The following FBXO15 variants were observed in gnomAD, a reference collection of about 807,000 sequenced individuals.
FBXO15 encodes the protein F-box only protein 15.
A neutral mutation model predicts 49.5 loss-of-function variants in FBXO15; 30 were observed. That is an observed-to-expected ratio of 0.61 (90% CI 0.45 to 0.82). FBXO15 has a LOEUF of 0.82. Ranked by LOEUF, FBXO15 falls within the 40% of genes least tolerant of loss-of-function variation. FBXO15 has a pLI of 0.00. For missense variants in FBXO15, 591 were observed against 631.5 expected (o/e 0.94, Z 0.69); for synonymous variants, 250 against 232.7 (o/e 1.07, Z -0.68).
At chr18:74,089,201 T>C (rs1912901903) in intron 8 of FBXO15, among the ~76,000 whole-genome samples, 1 of 152,146 alleles carries the variant, frequency 6.6e-6, no homozygotes, top group Non-Finnish European at 1.5e-5. Flanking sequence ...TTTGTGGCAA[T>C]TGTGAATGTG....
At chr18:74,079,592 A>G (rs1048204454) in intron 9 of FBXO15, among the ~76,000 whole-genome samples, 1 of 145,542 alleles carries the variant, frequency 6.9e-6, no homozygotes, top group Admixed American at 6.9e-5. Flanking sequence ...AATTATCAGT[A>G]TCTTTTGAGT....
In FBXO15 at chr18:74,093,816, G is replaced by A. The variant is rs564511892; in HGVS notation, c.1139-11765C>T. ...TGACCTCCTCCCTTGAATCATGTGC[G>A]TTCTTAATGGCATCTAGAATAGTGA... On this transcript the variant is annotated intron_variant, in intron 8 of 9. Transcript: ENST00000419743. 6.6e-5 allele frequency among the ~76,000 whole-genome samples: 10 copies of A among 152,214 alleles called. 1 individual carries two copies. The highest frequency in any genetic ancestry group is 4.2e-4 in the South Asian group (2 of 4,816).
intron 8 of FBXO15, among the ~76,000 whole-genome samples, chr18:74,117,325 C>G (rs1197531651): frequency 1.3e-5 from 2 of 152,082 alleles, no homozygotes; most frequent in Non-Finnish European, 2.9e-5. Context: ...TTAACTTAAC[C>G]TCTTATGCGT....
intron 8 of FBXO15, among the ~76,000 whole-genome samples, chr18:74,107,446 T>C (rs1441733386): frequency 6.6e-6 from 1 of 152,194 alleles, no homozygotes; most frequent in Non-Finnish European, 1.5e-5. Flanking sequence ...CACCACTCCA[T>C]CCTAACAAGT....
chr18:74,099,675 C>T (rs894305443), intron 8 of FBXO15: 2 of 152,086 alleles, frequency 1.3e-5, no homozygotes, highest in Admixed American at 6.5e-5. Context: ...AGAAACTCAC[C>T]TAACACATAA....
intron 9 of FBXO15, 38 bp downstream of exon 9, chr18:74,081,889 C>A (rs1229649379): frequency 6.2e-6 from 9 of 1,457,580 alleles, no homozygotes; most frequent in Non-Finnish European, 6.5e-6. Context: ...ATATAGAAAT[C>A]AAGTTACTTG....
At chr18:74,115,497 C>T (rs62097021) in intron 8 of FBXO15, among the ~76,000 whole-genome samples, 1 of 152,014 alleles carries the variant, frequency 6.6e-6, no homozygotes, top group Middle Eastern at 3.2e-3. Flanking sequence ...AATATCGTGA[C>T]CAAGAGGTGG....
chr18:74,093,147 G>A (rs1355328644), intron 8 of FBXO15, among the ~76,000 whole-genome samples: 2 of 152,128 alleles, frequency 1.3e-5, no homozygotes, highest in African/African-American at 4.8e-5. Flanking sequence ...ACAGCAACAG[G>A]CGGGTGGTGG....
chr18:74,094,696 C>T (rs1009431295), intron 8 of FBXO15, among the ~76,000 whole-genome samples: 1 of 152,174 alleles, frequency 6.6e-6, no homozygotes, highest in African/African-American at 2.4e-5. Flanking sequence ...TAGCAGCCTC[C>T]TTAAGATCCC....
chr18:74,103,479 C>G (rs149048631), intron 8 of FBXO15, among the ~76,000 whole-genome samples: 18 of 151,938 alleles, frequency 1.2e-4, no homozygotes, highest in African/African-American at 4.3e-4. Flanking sequence ...TAACAGAAAA[C>G]TTTCCAAAAC....
chr18:74,124,240 A>C (rs1376594340), intron 7 of FBXO15, among the ~76,000 whole-genome samples: 1 of 152,238 alleles, frequency 6.6e-6, no homozygotes, highest in Non-Finnish European at 1.5e-5. Flanking sequence ...TGAAGTAATC[A>C]AGCTATCCTA....
intron 8 of FBXO15, among the ~76,000 whole-genome samples, chr18:74,117,412 A>G (rs1413909276): frequency 6.6e-6 from 1 of 152,204 alleles, no homozygotes; most frequent in Non-Finnish European, 1.5e-5. Context: ...CAGCAAGTCA[A>G]CAGCCTACCC....
intron 8 of FBXO15, among the ~76,000 whole-genome samples, chr18:74,111,004 C>A (rs1329872023): frequency 1.3e-5 from 2 of 152,112 alleles, no homozygotes; most frequent in Non-Finnish European, 2.9e-5. Flanking sequence ...ACAGATCCAG[C>A]AGGCAGAAAA....
intron 3 of FBXO15, among the ~76,000 whole-genome samples, chr18:74,135,160 AC>A (rs934419643): frequency 4.0e-5 from 6 of 151,886 alleles, no homozygotes; most frequent in African/African-American, 1.5e-4. Flanking sequence ...TCCTAGATCC[AC>A]CCCCTGCAAG....
chr18:74,128,947 G>A lies in FBXO15; in HGVS notation c.785+458C>T, dbSNP rs1978306057. The stretch of plus-strand genomic sequence containing the variant: ...TCCATTTCATAGAGGAGAGAATGGA[G>A]ACACAGAAAGAGTAAGTTACTTGCA... On this transcript the variant is annotated intron_variant, in intron 5 of 9. Transcript: ENST00000419743. 2.0e-5 allele frequency among the ~76,000 whole-genome samples: 3 copies of A among 152,156 alleles called. No individual in the cohort carries two copies. The South Asian group carries it at 6.2e-4, about 32-fold the overall frequency.
chr18:74,115,141 T>C (rs540046623), intron 8 of FBXO15, among the ~76,000 whole-genome samples: 1 of 152,288 alleles, frequency 6.6e-6, no homozygotes, highest in South Asian at 2.1e-4. Flanking sequence ...CAAAACTTAG[T>C]GTCCACTGGC....
intron 5 of FBXO15, among the ~76,000 whole-genome samples, chr18:74,127,604 T>G (rs2145197539): frequency 6.6e-6 from 1 of 152,352 alleles, no homozygotes; most frequent in Non-Finnish European, 1.5e-5. Context: ...ATGAAAGCAT[T>G]CACTTACAAA....
At chr18:74,107,975 G>A (rs1436289095) in intron 8 of FBXO15, among the ~76,000 whole-genome samples, 3 of 152,138 alleles carry the variant, frequency 2.0e-5, no homozygotes, top group Non-Finnish European at 4.4e-5. Context: ...GGGGGACTGA[G>A]AAGCGCCTGT....
Position 74,140,266 on chromosome 18 carries a change from A to G in FBXO15, c.163T>C (p.Cys55Arg). 1 of 1,551,538 alleles carries G rather than the reference A, an allele frequency of 6.4e-7. No homozygotes were observed. Among genetic ancestry groups the G allele is most frequent in the Non-Finnish European group, 8.7e-7 (1 of 1,146,944 alleles). The change falls in exon 2 of 10, where the codon TGC becomes CGC. Residue 55 changes from cysteine to arginine, a missense_variant. Transcript: ENST00000419743. ...KLSAGSAALR[C>R]HAGGGQHWES... ...CAGTGCTGTCCACCTCCGGCATGGC[A>G]CCTCAGGGCAGCAGAGCCTGCAGAA...
Sources: gnomAD v4.1 joint callset for allele counts (sites outside exome capture counted in the v4.1 genomes callset) on GRCh38, gnomAD v4.1.1 for gene constraint, MANE v1.5 for transcripts, NCBI Gene and HGNC (gene_info 2026-07-23, HGNC 2026-07-21) for gene names.